The following CNTNAP2 variants were observed in gnomAD, a reference collection of about 807,000 sequenced individuals.
CNTNAP2 encodes contactin-associated protein-like 2.
A neutral mutation model predicts 155.2 loss-of-function variants in CNTNAP2; 98 were observed. The observed-to-expected ratio is 0.63, with a 90% CI of 0.54 to 0.75. The LOEUF is 0.75. Ranked by LOEUF, CNTNAP2 falls within the 30% of genes least tolerant of loss-of-function variation. The pLI, the probability that CNTNAP2 is intolerant of heterozygous loss-of-function variation, is 0.00. For missense variants in CNTNAP2, 1,727 were observed against 1,688.1 expected (o/e 1.02, Z -0.40); for synonymous variants, 651 against 631.2 (o/e 1.03, Z -0.47).
At chr7:146,616,461 T>G (rs1309328947) in intron 1 of CNTNAP2, among the ~76,000 whole-genome samples, 2 of 152,216 alleles carry the variant, frequency 1.3e-5, no homozygotes, top group African/African-American at 2.4e-5. Flanking sequence ...ATGGCCTTTC[T>G]AACCGAAACC....
chr7:147,889,674 A>C (rs1349704989), intron 13 of CNTNAP2, among the ~76,000 whole-genome samples: 2 of 152,222 alleles, frequency 1.3e-5, no homozygotes, highest in Admixed American at 6.5e-5. Context: ...TTAAGTGTAC[A>C]GAGCAGCAGT....
chr7:146,360,803 G>A (rs1044947752), intron 1 of CNTNAP2, among the ~76,000 whole-genome samples: 8 of 152,140 alleles, frequency 5.3e-5, no homozygotes, highest in Non-Finnish European at 1.0e-4. Context: ...TTCTCCAGGT[G>A]TTTTTCACTA....
intron 1 of CNTNAP2, among the ~76,000 whole-genome samples, chr7:146,656,091 C>T (rs977221735): frequency 7.9e-5 from 12 of 152,208 alleles, no homozygotes; most frequent in African/African-American, 2.7e-4. Flanking sequence ...GTGCTAAAGA[C>T]AAACCACAGA....
intron 4 of CNTNAP2, among the ~76,000 whole-genome samples, chr7:147,055,785 G>A (rs1020046606): frequency 4.6e-5 from 7 of 152,022 alleles, no homozygotes; most frequent in East Asian, 3.9e-4. Context: ...AGGAGGGAAC[G>A]GAAGCCCAAT....
rs530199063 is a variant in CNTNAP2, at chr7:146,553,515, T to C, written c.98-220756T>C. ...CTATAATTCATCCTAATTATTCACA[T>C]TTAAAATTTAGAAGGGACTTTATTA... On this transcript the variant is annotated intron_variant, in intron 1 of 23. Coordinates refer to ENST00000361727, the MANE Select transcript of CNTNAP2 (RefSeq NM_014141.6). Among the ~76,000 whole-genome samples, 406 of 152,182 alleles carry C rather than the reference T, an allele frequency of 2.7e-3. 1 individual carries two copies. Among genetic ancestry groups the C allele is most frequent in the Non-Finnish European group, 5.1e-3 (345 of 67,974 alleles).
chr7:147,703,690 A>C (rs1214978453), intron 13 of CNTNAP2, among the ~76,000 whole-genome samples: 1 of 152,188 alleles, frequency 6.6e-6, no homozygotes, highest in Admixed American at 6.6e-5. Flanking sequence ...TGGAGTATAC[A>C]TCATTTCTAT....
At chr7:147,817,007 T>C (rs963551254) in intron 13 of CNTNAP2, among the ~76,000 whole-genome samples, 5 of 152,198 alleles carry the variant, frequency 3.3e-5, no homozygotes, top group African/African-American at 7.2e-5. Context: ...CTAAATCTAA[T>C]TGAGCCTTTA....
intron 22 of CNTNAP2, among the ~76,000 whole-genome samples, chr7:148,396,964 A>G (rs1016054804): frequency 2.6e-5 from 4 of 152,238 alleles, no homozygotes; most frequent in African/African-American, 7.2e-5. Flanking sequence ...ATGATTTTCA[A>G]TCATTGACGG....
chr7:146,566,007 G>C (rs1472980918), intron 1 of CNTNAP2, among the ~76,000 whole-genome samples: 1 of 152,086 alleles, frequency 6.6e-6, no homozygotes, highest in Non-Finnish European at 1.5e-5. Flanking sequence ...CATATTCACC[G>C]GCAGATCACA....
intron 10 of CNTNAP2, among the ~76,000 whole-genome samples, chr7:147,432,406 A>C (rs919479518): frequency 6.6e-6 from 1 of 152,238 alleles, no homozygotes; most frequent in Admixed American, 6.5e-5. Flanking sequence ...TTTTTAAAAA[A>C]TAGAAATCAT....
chr7:146,534,836 T>C (rs1797822853), intron 1 of CNTNAP2, among the ~76,000 whole-genome samples: 1 of 151,302 alleles, frequency 6.6e-6, no homozygotes, highest in South Asian at 2.1e-4. Flanking sequence ...AGCAATTTAT[T>C]GCCATTATGA....
chr7:146,262,024 T>G (rs1168069323), intron 1 of CNTNAP2, among the ~76,000 whole-genome samples: 2 of 152,180 alleles, frequency 1.3e-5, no homozygotes, highest in Non-Finnish European at 2.9e-5. Context: ...GCTGTTTCTT[T>G]TATTGTTCTG....
chr7:148,310,735 T>C (rs113950377), intron 21 of CNTNAP2, among the ~76,000 whole-genome samples: 18,253 of 151,936 alleles, frequency 0.12, 1,490 homozygotes, highest in African/African-American at 0.23. Context: ...GAGGCAAAAC[T>C]GGAGATGCAA....
intron 1 of CNTNAP2, among the ~76,000 whole-genome samples, chr7:146,741,066 G>T (rs936190402): frequency 2.0e-5 from 3 of 152,038 alleles, no homozygotes; most frequent in African/African-American, 7.2e-5. Context: ...AAAATCCTGT[G>T]CTCACATCCC....
intron 1 of CNTNAP2, among the ~76,000 whole-genome samples, chr7:146,381,847 G>A (rs1255095804): frequency 6.6e-6 from 1 of 152,068 alleles, no homozygotes; most frequent in African/African-American, 2.4e-5. Flanking sequence ...TGGTCCGCTG[G>A]GCTTGATCTT....
At chr7:147,886,858 T>C (rs536963120) in intron 13 of CNTNAP2, among the ~76,000 whole-genome samples, 2 of 152,290 alleles carry the variant, frequency 1.3e-5, no homozygotes. Flanking sequence ...TTTCAAAATG[T>C]TCAGATTTGC....
At chr7:147,409,846 A>G (rs1416894014) in intron 10 of CNTNAP2, among the ~76,000 whole-genome samples, 1 of 152,176 alleles carries the variant, frequency 6.6e-6, no homozygotes, top group African/African-American at 2.4e-5. Context: ...TCAAAACCAC[A>G]ATAAGATACC....
intron 13 of CNTNAP2, among the ~76,000 whole-genome samples, chr7:147,892,093 C>CA (rs577237618): frequency 2.1e-4 from 31 of 150,356 alleles, no homozygotes; most frequent in East Asian, 1.4e-3. Context: ...TTGATTCATG[C>CA]AAAAAAAAAT....
intron 1 of CNTNAP2, among the ~76,000 whole-genome samples, chr7:146,305,994 C>T (rs10266627): frequency 0.07 from 10,649 of 151,766 alleles, 1,071 homozygotes; most frequent in African/African-American, 0.22. Flanking sequence ...ATTGATAGAC[C>T]GCTAGCAAGA....
Sources: gnomAD v4.1 joint callset for allele counts (sites outside exome capture counted in the v4.1 genomes callset) on GRCh38, gnomAD v4.1.1 for gene constraint, MANE v1.5 for transcripts, NCBI Gene and HGNC (gene_info 2026-07-23, HGNC 2026-07-21) for gene names.